CPA6: variants seen among roughly 807,000 people sequenced by gnomAD.
CPA6 encodes the protein carboxypeptidase B.
CPA6 carries 58 observed loss-of-function variants against 63.3 expected under a neutral mutation model. The observed-to-expected ratio is 0.92, with a 90% CI of 0.74 to 1.14. The LOEUF (loss-of-function observed/expected upper bound fraction) is 1.14. Ranked by LOEUF, CPA6 falls within the 50% of genes most tolerant of loss-of-function variation. The probability of loss-of-function intolerance (pLI) is 0.00; values close to 1 mark genes in which losing one functional copy is unlikely to be tolerated. For missense variants in CPA6, 565 were observed against 526.6 expected (o/e 1.07, Z -0.71); for synonymous variants, 185 against 179.0 (o/e 1.03, Z -0.27).
At chr8:67,683,366 G>A (rs896678324) in intron 1 of CPA6, among the ~76,000 whole-genome samples, 22 of 151,992 alleles carry the variant, frequency 1.4e-4, no homozygotes, top group African/African-American at 5.1e-4. Flanking sequence ...TTGAACTACT[G>A]GAATTTTTTC....
chr8:67,673,386 T>TTA (rs1222147596), intron 1 of CPA6, among the ~76,000 whole-genome samples: 4 of 110,872 alleles, frequency 3.6e-5, no homozygotes, highest in African/African-American at 2.2e-4. Context: ...TATTATTTAT[T>TTA]TATTTTTTTT....
At position 67,507,972 on chromosome 8, in the gene CPA6, G is replaced by T. The variant is rs74675583; in HGVS notation, c.535-1084C>A. Among the ~76,000 whole-genome samples the T allele has an allele frequency of 7.8e-3, 1,175 of 150,418 alleles. 14 individuals are homozygous for T. The highest frequency in any genetic ancestry group is 0.027 in the African/African-American group (1,117 of 40,980). ...CTGGATACTAAATAAAAGAGATGAG[G>T]CTTCCTCCTGTATTCTATGGGGTGC... On this transcript the variant is annotated intron_variant, in intron 5 of 10. Transcript: ENST00000297770.
At chr8:67,497,947 G>A (rs1335646227) in intron 6 of CPA6, among the ~76,000 whole-genome samples, 3 of 151,750 alleles carry the variant, frequency 2.0e-5, no homozygotes, top group Non-Finnish European at 4.4e-5. Context: ...TCCGCCTCAG[G>A]TGTGAGCCAT....
At chr8:67,724,704 G>A (rs893307727) in intron 1 of CPA6, among the ~76,000 whole-genome samples, 3 of 152,164 alleles carry the variant, frequency 2.0e-5, no homozygotes, top group African/African-American at 7.2e-5. Flanking sequence ...GTAAGCCATT[G>A]GGCCCAGTTT....
chr8:67,455,064 A>C (rs1810640441), intron 8 of CPA6, among the ~76,000 whole-genome samples: 1 of 152,224 alleles, frequency 6.6e-6, no homozygotes, highest in Non-Finnish European at 1.5e-5. Context: ...ATACGATTTT[A>C]ATTAAAAAAT....
At chr8:67,432,936 T>C (rs1314979625) in intron 9 of CPA6, among the ~76,000 whole-genome samples, 1 of 152,212 alleles carries the variant, frequency 6.6e-6, no homozygotes, top group Non-Finnish European at 1.5e-5. Context: ...TACTGGTGTC[T>C]GAAGTGAGGG....
chr8:67,522,864 C>A (rs1285001665), intron 2 of CPA6, among the ~76,000 whole-genome samples: 1 of 152,228 alleles, frequency 6.6e-6, no homozygotes, highest in Non-Finnish European at 1.5e-5. Flanking sequence ...CTGAGCACAA[C>A]CTACTGGGCT....
At chr8:67,488,622 G>T (rs1811537902) in intron 6 of CPA6, among the ~76,000 whole-genome samples, 1 of 152,138 alleles carries the variant, frequency 6.6e-6, no homozygotes, top group Non-Finnish European at 1.5e-5. Context: ...GGATGGCATT[G>T]AATCTATAAA....
Position 67,746,190 on chromosome 8 carries a change from C to G in CPA6, c.-61G>C. On this transcript the variant is annotated 5_prime_UTR_variant, in exon 1 of 11. Transcript: ENST00000297770. ...CAGCCACCCGAGGCTGGAGGTGGCT[C>G]ACAGCACCCTCTACACACCGCACAG... 1 of 1,265,782 alleles carries G rather than the reference C, an allele frequency of 7.9e-7. No individual in the cohort carries two copies. The highest frequency in any genetic ancestry group is 1.1e-6 in the Non-Finnish European group (1 of 882,920). 78.4% of individuals were successfully genotyped at this position (1,265,782 alleles called of 1,614,324 possible). A position where few individuals can be genotyped will look rare whatever the true frequency, so the allele number is the denominator to read the frequency against.
chr8:67,674,764 A>C (rs1239875086), intron 1 of CPA6, among the ~76,000 whole-genome samples: 1 of 152,186 alleles, frequency 6.6e-6, no homozygotes, highest in East Asian at 1.9e-4. Context: ...AAGACATGGA[A>C]TCAAGCTAGG....
chr8:67,486,586 G>A (rs1166787268), intron 6 of CPA6, among the ~76,000 whole-genome samples: 3 of 152,150 alleles, frequency 2.0e-5, no homozygotes, highest in Non-Finnish European at 4.4e-5. Context: ...TTCCACATGA[G>A]CTAAGTGTAT....
Position 67,672,977 on chromosome 8 carries a change from G to A in CPA6, c.117-48726C>T, listed in dbSNP as rs114670889. Among the ~76,000 whole-genome samples, 848 of 152,188 alleles carry A rather than the reference G, an allele frequency of 5.6e-3. 10 individuals are homozygous for A. The highest frequency in any genetic ancestry group is 0.019 in the African/African-American group (790 of 41,510). ...AACTTACGGATGATAGAAACTTGGGGGCAATAGCAAATTCTACTGTAAGAA... is the reference window on the plus strand; with the variant it reads ...AACTTACGGATGATAGAAACTTGGGAGCAATAGCAAATTCTACTGTAAGAA... On this transcript the variant is annotated intron_variant, in intron 1 of 10. Transcript: ENST00000297770.
At chr8:67,443,681 C>G (rs531854317) in intron 8 of CPA6, among the ~76,000 whole-genome samples, 2 of 152,228 alleles carry the variant, frequency 1.3e-5, no homozygotes, top group East Asian at 3.9e-4. Context: ...GTCTCTTAAC[C>G]ATGAAGGATT....
chr8:67,553,762 C>T (rs1392340044), intron 2 of CPA6, among the ~76,000 whole-genome samples: 2 of 152,048 alleles, frequency 1.3e-5, no homozygotes, highest in Non-Finnish European at 2.9e-5. Context: ...ATGAGAACTA[C>T]TAAAAAATAA....
At chr8:67,487,223 G>A (rs985354428) in intron 6 of CPA6, among the ~76,000 whole-genome samples, 16 of 152,032 alleles carry the variant, frequency 1.1e-4, no homozygotes, top group Non-Finnish European at 8.8e-5. Flanking sequence ...CCTCAAGAAA[G>A]GTCCCAGTGT....
intron 1 of CPA6, among the ~76,000 whole-genome samples, chr8:67,711,060 C>A (rs1434659852): frequency 1.3e-5 from 2 of 152,116 alleles, no homozygotes; most frequent in Non-Finnish European, 2.9e-5. Context: ...GTTTGAGTTA[C>A]CTGGAACTGC....
chr8:67,426,008 T>C (rs1223345518), intron 10 of CPA6, among the ~76,000 whole-genome samples: 2 of 152,026 alleles, frequency 1.3e-5, no homozygotes, highest in African/African-American at 4.8e-5. Flanking sequence ...GAGATTCTCC[T>C]GCCTCAGCCT....
At chr8:67,581,516 C>A (rs1020745972) in intron 2 of CPA6, among the ~76,000 whole-genome samples, 7 of 152,086 alleles carry the variant, frequency 4.6e-5, no homozygotes, top group Non-Finnish European at 8.8e-5. Context: ...CCTGAGTTGT[C>A]CTGGGGAAGG....
At chr8:67,634,589 C>A (rs944269444) in intron 1 of CPA6, among the ~76,000 whole-genome samples, 1 of 151,568 alleles carries the variant, frequency 6.6e-6, no homozygotes, top group Non-Finnish European at 1.5e-5. Flanking sequence ...TGGGCTCCAC[C>A]ACTTGATGTG....
Sources: allele counts gnomAD v4.1 joint callset (sites outside exome capture counted in the v4.1 genomes callset), GRCh38; gene constraint gnomAD v4.1.1; transcripts MANE v1.5; gene names NCBI Gene and HGNC (gene_info 2026-07-23, HGNC 2026-07-21).